NDUFA10: variants seen among roughly 807,000 people sequenced by gnomAD.
NDUFA10 encodes the protein NADH dehydrogenase [ubiquinone] 1 alpha subcomplex subunit 10, mitochondrial.
In NDUFA10, 40 loss-of-function variants were observed where a neutral mutation model predicts 47.8. That is an observed-to-expected ratio of 0.84 (90% confidence interval 0.65 to 1.09). The LOEUF is 1.09. Among genes scored for constraint, NDUFA10 ranks in the 50% least tolerant of loss-of-function variants. The pLI, the probability that NDUFA10 is intolerant of heterozygous loss-of-function variation, is 0.00. For missense variants in NDUFA10, 413 were observed against 451.1 expected (o/e 0.92, Z 0.76); for synonymous variants, 183 against 172.2 (o/e 1.06, Z -0.49).
intron 9 of NDUFA10, 47 bp from the exon 10 acceptor site, chr2:239,961,233 T>C (rs1355908417): frequency 6.2e-7 from 1 of 1,613,730 alleles, no homozygotes; most frequent in Admixed American, 1.7e-5. Context: ...CGTGAATGAA[T>C]GTTTCCCCAG....
At chr2:239,927,606 C>G (rs1296399836) in intron 4 of NDUFA10, among the ~76,000 whole-genome samples, 1 of 152,182 alleles carries the variant, frequency 6.6e-6, no homozygotes, top group East Asian at 1.9e-4. Flanking sequence ...GGGCATTAGG[C>G]TGAATTTTAA....
In NDUFA10 at chr2:239,987,318, C is replaced by T. The variant is rs536010551; in HGVS notation, c.999+2756G>A. On this transcript the variant is annotated intron_variant, in intron 9 of 9. Coordinates refer to ENST00000252711, the MANE Select transcript of NDUFA10 (RefSeq NM_004544.4). The surrounding 1 kb of genome is among the most constrained non-coding windows in gnomAD (Gnocchi z 4.8). ...CAAGCCACGATTCTCAAACCAGGCG[C>T]TGTGCATCGACAGGAGGACTCGCTC... 2.0e-5 allele frequency among the ~76,000 whole-genome samples: 3 copies of T among 152,150 alleles called. No homozygotes were observed. The highest frequency in any genetic ancestry group is 4.4e-5 in the Non-Finnish European group (3 of 67,982).
chr2:239,995,217 T>C (rs534219381), intron 8 of NDUFA10, among the ~76,000 whole-genome samples: 15 of 151,830 alleles, frequency 9.9e-5, no homozygotes, highest in African/African-American at 3.4e-4. Flanking sequence ...GAGGCTGCAG[T>C]GAGCCAAGAT....
Position 239,934,829 on chromosome 2 carries a change from C to T in NDUFA10, c.295-39515G>A, listed in dbSNP as rs544645474. ...GTCCACCGCATGGACCAGCCACCTC[C>T]GCCCCCACCCGTTTTCCACACATGG... is the stretch of plus-strand genomic sequence containing the variant. On this transcript the variant is annotated intron_variant, in intron 4 of 5. Coordinates refer to the NDUFA10 transcript ENST00000419408. Among the ~76,000 whole-genome samples the T allele has an allele frequency of 2.6e-5, 4 of 152,292 alleles. 1 individual carries two copies. Among genetic ancestry groups the T allele is most frequent in the East Asian group, 1.9e-4 (1 of 5,160 alleles).
intron 4 of NDUFA10, among the ~76,000 whole-genome samples, chr2:239,902,368 T>C (rs769146384): frequency 6.6e-6 from 1 of 152,088 alleles, no homozygotes; most frequent in Non-Finnish European, 1.5e-5. Context: ...GTGAAATGAT[T>C]ACAACTTGCG....
At chr2:239,999,682 C>G (rs551983069) in intron 8 of NDUFA10, among the ~76,000 whole-genome samples, 1 of 152,332 alleles carries the variant, frequency 6.6e-6, no homozygotes, top group Admixed American at 6.5e-5. Flanking sequence ...CTCTTCTGTT[C>G]TCTGGTCAAA....
intron 4 of NDUFA10, chr2:240,017,810 G>A: frequency 1.3e-6 from 2 of 1,554,658 alleles, no homozygotes; most frequent in Non-Finnish European, 1.7e-6. Flanking sequence ...CCACAGAATG[G>A]TCACCTGGCT....
intron 4 of NDUFA10, among the ~76,000 whole-genome samples, chr2:239,921,586 T>C (rs1005827045): frequency 1.3e-5 from 2 of 152,206 alleles, no homozygotes; most frequent in African/African-American, 4.8e-5. Flanking sequence ...TACAAACCTC[T>C]TGCTAGCTAC....
At chr2:239,969,754 T>C (rs1239686449) in intron 9 of NDUFA10, 7 of 471,308 alleles carry the variant, frequency 1.5e-5, no homozygotes, top group Non-Finnish European at 3.1e-5. Context: ...CTTCTGATTC[T>C]TGGAAGACCT....
chr2:239,922,109 C>T (rs1051268499), intron 4 of NDUFA10, among the ~76,000 whole-genome samples: 1 of 146,672 alleles, frequency 6.8e-6, no homozygotes. Context: ...TCCCTTCCTC[C>T]CTTCCTTCCA....
At chr2:239,966,503 C>T (rs566427296) in intron 9 of NDUFA10, among the ~76,000 whole-genome samples, 2 of 152,290 alleles carry the variant, frequency 1.3e-5, no homozygotes, top group East Asian at 1.9e-4. Flanking sequence ...CCCACAGGAC[C>T]GGACTTGTTC....
chr2:239,999,719 C>G (rs1183893033), intron 8 of NDUFA10, among the ~76,000 whole-genome samples: 1 of 152,340 alleles, frequency 6.6e-6, no homozygotes, highest in Middle Eastern at 3.4e-3. Flanking sequence ...TACGAGGAAC[C>G]TGACAGCTGC....
intron 5 of NDUFA10, chr2:240,013,597 T>C (rs1390740613): frequency 3.3e-5 from 5 of 152,184 alleles, no homozygotes. Flanking sequence ...GCTTAAACAA[T>C]AAAAGTTCCA....
chr2:239,960,692 G>A lies in NDUFA10; in HGVS notation c.*426C>T, dbSNP rs1045417498. The A allele has an allele frequency of 1.3e-5, 15 of 1,157,860 alleles. No individual in the cohort carries two copies. In the African/African-American group the frequency reaches 2.1e-4, roughly 16 times the overall value. The allele number at this position is 1,157,860 out of a possible 1,614,324, so 71.7% of individuals were successfully genotyped here. ...GGCCCAGAGCAGCGTGTGTGCACGT[G>A]TGCAGTTTCGACGTGCCCGCACGCA... On this transcript the variant is annotated 3_prime_UTR_variant, in exon 10 of 10. Coordinates refer to ENST00000252711, the MANE Select transcript of NDUFA10 (RefSeq NM_004544.4).
intron 8 of NDUFA10, among the ~76,000 whole-genome samples, chr2:239,995,206 G>A (rs1696418926): frequency 6.6e-6 from 1 of 152,132 alleles, no homozygotes; most frequent in Admixed American, 6.5e-5. Flanking sequence ...CCCAGGAAGG[G>A]GAGGCTGCAG....
chr2:239,946,349 T>C (rs1001133940), intron 4 of NDUFA10, among the ~76,000 whole-genome samples: 1 of 152,140 alleles, frequency 6.6e-6, no homozygotes, highest in Admixed American at 6.5e-5. Context: ...CGAAGGGTAG[T>C]GTGTTACTAG....
Position 240,005,212 on chromosome 2 carries a change from T to G in NDUFA10, c.888A>C (p.Leu296Phe). Residue 296 changes from leucine (L) to phenylalanine (F), a missense_variant and splice_region_variant, in exon 8 of 10, where the codon TTA (leucine) becomes TTC (phenylalanine). Leu to Phe is a conservative substitution (Grantham distance 22, BLOSUM62 0). Transcript: ENST00000252711. ...AGCCCCCACACAGATGCACTTACAGTAATCGCAGGTGGTATAAAGTGCGAT... is the reference window on the plus strand; with the variant it reads ...AGCCCCCACACAGATGCACTTACAGGAATCGCAGGTGGTATAAAGTGCGAT... ...QDNRTLYHLRLLVQDKFEVLN... is the reference protein window; with the variant it reads ...QDNRTLYHLRFLVQDKFEVLN... 6.2e-7 allele frequency: 1 copy of G among 1,613,208 alleles called. No homozygotes were observed. Among genetic ancestry groups the G allele is most frequent in the Non-Finnish European group, 8.5e-7 (1 of 1,179,228 alleles).
intron 5 of NDUFA10, chr2:240,011,952 T>G (rs1697161529): frequency 2.0e-6 from 1 of 488,004 alleles, no homozygotes; most frequent in Non-Finnish European, 3.8e-6. Flanking sequence ...GATGTATACT[T>G]AGGGCAAGAA....
intron 4 of NDUFA10, among the ~76,000 whole-genome samples, chr2:239,915,062 CACAA>C (rs1172755832): frequency 2.1e-5 from 3 of 145,900 alleles, no homozygotes; most frequent in Non-Finnish European, 4.5e-5. Flanking sequence ...CACAGACACA[CACAA>C]ATATACAGAC....
Sources: gnomAD v4.1 joint callset for allele counts (sites outside exome capture counted in the v4.1 genomes callset) on GRCh38, gnomAD v4.1.1 for gene constraint, Gnocchi (gnomAD v3.1) non-coding constraint, MANE v1.5 for transcripts, NCBI Gene and HGNC (gene_info 2026-07-23, HGNC 2026-07-21) for gene names.